Variants in ASIC2 observed in about 807,000 individuals in gnomAD.
ASIC2 encodes acid-sensing ion channel 2.
A neutral mutation model predicts 57.3 loss-of-function variants in ASIC2; 25 were observed. The observed-to-expected ratio is 0.44, with a 90% CI of 0.32 to 0.61. The LOEUF (loss-of-function observed/expected upper bound fraction) is 0.61. Ranked by LOEUF, ASIC2 falls within the 20% of genes least tolerant of loss-of-function variation. The pLI, the probability that ASIC2 is intolerant of heterozygous loss-of-function variation, is 0.06. For missense variants in ASIC2, 641 were observed against 738.1 expected (o/e 0.87, Z 1.52); for synonymous variants, 319 against 307.5 (o/e 1.04, Z -0.39).
chr17:33,508,223 T>C (rs1027620257), intron 1 of ASIC2, among the ~76,000 whole-genome samples: 6 of 152,044 alleles, frequency 3.9e-5, no homozygotes, highest in Admixed American at 1.3e-4. Context: ...TCCTTCAGCA[T>C]TTACAGAGCA....
intron 1 of ASIC2, among the ~76,000 whole-genome samples, chr17:33,971,337 G>T (rs1315713712): frequency 6.6e-6 from 1 of 152,140 alleles, no homozygotes; most frequent in African/African-American, 2.4e-5. Flanking sequence ...GGCCCCTGCT[G>T]CAACCTTCAG....
chr17:33,051,650 C>G (rs1038785540), intron 3 of ASIC2, among the ~76,000 whole-genome samples: 1 of 152,184 alleles, frequency 6.6e-6, no homozygotes, highest in African/African-American at 2.4e-5. Context: ...AGTTAGTGAA[C>G]TTCTTTGAGT....
intron 1 of ASIC2, among the ~76,000 whole-genome samples, chr17:33,327,431 T>C (rs977917100): frequency 4.6e-5 from 7 of 152,336 alleles, no homozygotes; most frequent in African/African-American, 1.7e-4. Context: ...AGTAGTTACC[T>C]GGTATATGCT....
At chr17:33,762,090 T>G (rs1910801318) in intron 1 of ASIC2, among the ~76,000 whole-genome samples, 1 of 152,114 alleles carries the variant, frequency 6.6e-6, no homozygotes, top group Non-Finnish European at 1.5e-5. Context: ...ATCTTGCAAA[T>G]GCCTGTAGCA....
intron 1 of ASIC2, among the ~76,000 whole-genome samples, chr17:33,616,923 C>T (rs1452391315): frequency 6.6e-6 from 1 of 152,198 alleles, no homozygotes; most frequent in Admixed American, 6.5e-5. Context: ...TTGTGATTTC[C>T]ACATTTCCAC....
intron 1 of ASIC2, among the ~76,000 whole-genome samples, chr17:34,132,397 G>C (rs1218321784): frequency 1.3e-5 from 2 of 152,126 alleles, no homozygotes; most frequent in African/African-American, 4.8e-5. Context: ...CTGCTGGCTG[G>C]GGATGGAGTG....
intron 1 of ASIC2, among the ~76,000 whole-genome samples, chr17:33,398,366 T>G (rs555177848): frequency 6.6e-6 from 1 of 152,262 alleles, no homozygotes; most frequent in African/African-American, 2.4e-5. Flanking sequence ...GAAGCCACCC[T>G]GGATAAAGGG....
chr17:33,546,647 T>C (rs764917381), intron 1 of ASIC2, among the ~76,000 whole-genome samples: 1 of 152,070 alleles, frequency 6.6e-6, no homozygotes, highest in Non-Finnish European at 1.5e-5. Flanking sequence ...AGAGAAGAAA[T>C]GCTGGGAAAA....
At chr17:33,541,054 C>A (rs1295271950) in intron 1 of ASIC2, among the ~76,000 whole-genome samples, 1 of 150,554 alleles carries the variant, frequency 6.6e-6, no homozygotes, top group Non-Finnish European at 1.5e-5. Context: ...TCTGACTGGG[C>A]ATGTTGTTTT....
chr17:34,127,516 G>A (rs1003836), intron 1 of ASIC2, among the ~76,000 whole-genome samples: 46,459 of 152,094 alleles, frequency 0.31, 7,325 homozygotes, highest in South Asian at 0.36. Context: ...CAGACCATCA[G>A]CCTCTTCCCA....
At chr17:33,069,001 G>GCTA (rs1371350576) in intron 3 of ASIC2, among the ~76,000 whole-genome samples, 1 of 151,874 alleles carries the variant, frequency 6.6e-6, no homozygotes, top group African/African-American at 2.4e-5. Flanking sequence ...TTGGTATTGT[G>GCTA]CTACTGGCAG....
At chr17:33,190,257 A>T (rs1297737090) in intron 1 of ASIC2, among the ~76,000 whole-genome samples, 1 of 152,198 alleles carries the variant, frequency 6.6e-6, no homozygotes, top group Non-Finnish European at 1.5e-5. Context: ...CACTATATAA[A>T]CGGTTGGAAA....
intron 1 of ASIC2, among the ~76,000 whole-genome samples, chr17:33,133,415 A>T (rs1179085692): frequency 6.6e-6 from 1 of 152,186 alleles, no homozygotes; most frequent in East Asian, 1.9e-4. Flanking sequence ...ATTGAGCCAG[A>T]TTATGGGGAA....
chr17:33,722,161 A>C (rs2142084212), intron 1 of ASIC2, among the ~76,000 whole-genome samples: 1 of 152,208 alleles, frequency 6.6e-6, no homozygotes, highest in African/African-American at 2.4e-5. Context: ...GGATTTTCCC[A>C]TGCTGTTCTC....
At chr17:33,665,676 A>G (rs1907449035) in intron 1 of ASIC2, among the ~76,000 whole-genome samples, 1 of 152,218 alleles carries the variant, frequency 6.6e-6, no homozygotes, top group Non-Finnish European at 1.5e-5. Context: ...AGATAATCCA[A>G]GTATATTTTC....
chr17:33,377,167 T>C (rs934065473), intron 1 of ASIC2, among the ~76,000 whole-genome samples: 3 of 152,058 alleles, frequency 2.0e-5, no homozygotes, highest in African/African-American at 4.8e-5. Flanking sequence ...TCTCCTGCCT[T>C]AGACTCCTGA....
intron 1 of ASIC2, among the ~76,000 whole-genome samples, chr17:34,139,277 T>C (rs1029871629): frequency 1.3e-5 from 2 of 152,214 alleles, no homozygotes; most frequent in African/African-American, 4.8e-5. Context: ...AATCTCACCA[T>C]GTTTTTAAAT....
chr17:33,418,400 T>C (rs1037137672), intron 1 of ASIC2, among the ~76,000 whole-genome samples: 2 of 152,222 alleles, frequency 1.3e-5, no homozygotes, highest in African/African-American at 4.8e-5. Flanking sequence ...ATTTTGGCTT[T>C]TGTTGCCATT....
intron 1 of ASIC2, among the ~76,000 whole-genome samples, chr17:33,274,265 A>G (rs1366850813): frequency 6.6e-6 from 1 of 152,230 alleles, no homozygotes; most frequent in Non-Finnish European, 1.5e-5. Flanking sequence ...AGTCTGCTCC[A>G]ACACCTACTT....
Sources: allele counts gnomAD v4.1 joint callset (sites outside exome capture counted in the v4.1 genomes callset), GRCh38; gene constraint gnomAD v4.1.1; transcripts MANE v1.5; gene names NCBI Gene and HGNC (gene_info 2026-07-23, HGNC 2026-07-21).